RYR1: variants seen among roughly 807,000 people sequenced by gnomAD.
The protein encoded by RYR1 is central core disease of muscle.
RYR1 carries 342 observed loss-of-function variants against 583.5 expected under a neutral mutation model. That is an observed-to-expected ratio of 0.59 (90% CI 0.54 to 0.64). RYR1 has a LOEUF of 0.64. Ranked by LOEUF, RYR1 falls within the 30% of genes least tolerant of loss-of-function variation. The pLI is 0.00. For missense variants in RYR1, 6,032 were observed against 6,917.2 expected, an observed-to-expected ratio of 0.87 and a Z score of 4.54; for synonymous variants, 2,791 against 2,822.5, an observed-to-expected ratio of 0.99 and a Z score of 0.35.
At chr19:38,551,007 A>G (rs1278580935) in intron 89 of RYR1, among the ~76,000 whole-genome samples, 2 of 99,266 alleles carry the variant, frequency 2.0e-5, no homozygotes, top group African/African-American at 7.0e-5. Context: ...ATTCATTTAT[A>G]TCAGTGTGGA....
At chr19:38,517,146 C>T (rs563100496) in intron 65 of RYR1, among the ~76,000 whole-genome samples, 29 of 151,562 alleles carry the variant, frequency 1.9e-4, no homozygotes, top group Admixed American at 6.6e-4. Flanking sequence ...CAGACAGGCT[C>T]GGGGGTGTGA....
At chr19:38,557,754 A>T (rs1972942048) in intron 89 of RYR1, among the ~76,000 whole-genome samples, 1 of 152,046 alleles carries the variant, frequency 6.6e-6, no homozygotes, top group African/African-American at 2.4e-5. Flanking sequence ...CTGTGAGCCA[A>T]GATCGCGTCA....
At chr19:38,477,572 G>A (rs569283453) in intron 29 of RYR1, 138 bp from the exon 30 acceptor site, 54 of 958,246 alleles carry the variant, frequency 5.6e-5, no homozygotes, top group African/African-American at 3.5e-4. Flanking sequence ...ATAACCAGGG[G>A]GTGGGGGACT....
rs952095416 is a variant in RYR1 at position 38,468,840 on chromosome 19, A to G, written c.3382-126A>G. On this transcript the variant is annotated intron_variant, in intron 25 of 105. Transcript: ENST00000359596. ...GACACTGTGGGGTGACCCCTCTTCCATACCACCTGCCCTGAACCTGACACT... is the reference window on the plus strand; with the variant it reads ...GACACTGTGGGGTGACCCCTCTTCCGTACCACCTGCCCTGAACCTGACACT... The G allele has an allele frequency of 1.0e-5, 10 of 990,560 alleles. No individual in the cohort carries two copies. The African/African-American group carries it at 1.4e-4, about 14-fold the overall frequency. 61.4% of individuals were successfully genotyped at this position (990,560 alleles called of 1,614,324 possible). A position where few individuals can be genotyped will look rare whatever the true frequency, so the allele number is the denominator to read the frequency against.
At chr19:38,436,748 G>T (rs534978142) in intron 1 of RYR1, among the ~76,000 whole-genome samples, 87 of 152,140 alleles carry the variant, frequency 5.7e-4, no homozygotes, top group African/African-American at 2.1e-3. Flanking sequence ...AATGTAGATG[G>T]CCCCTGAAGC....
Position 38,517,614 on chromosome 19 carries a change from C to G in RYR1, c.9941C>G (p.Ser3314Cys), listed in dbSNP as rs776382789. 3.7e-6 allele frequency: 6 copies of G among 1,614,214 alleles called. No individual in the cohort carries two copies. The Admixed American group carries it at 1.0e-4, about 27-fold the overall frequency. ...CTAVTSDHLN[S>C]LLGNILRIIV... Reference sequence around the variant, plus strand: ...GCTGTCACCTCTGACCACCTCAACTCCCTGCTGGGGAATATCCTGAGAATC... The same window carrying G: ...GCTGTCACCTCTGACCACCTCAACTGCCTGCTGGGGAATATCCTGAGAATC... The change falls in exon 66 of 106, where the codon TCC (serine) becomes TGC (cysteine). Residue 3314 changes from serine to cysteine, a missense_variant. Around this residue, in one of 11 missense-constraint regions of RYR1, gnomAD observed 1,493 missense variants for 1,715.5 expected, o/e 0.87. Transcript: ENST00000359596.
At chr19:38,443,849 A>AG (rs1404715827) in intron 5 of RYR1, 53 bp downstream of exon 5, 3 of 1,523,748 alleles carry the variant, frequency 2.0e-6, no homozygotes, top group Non-Finnish European at 2.7e-6. Context: ...GCAGGGATTC[A>AG]GGGGGTAGAA....
intron 34 of RYR1, among the ~76,000 whole-genome samples, chr19:38,487,075 G>A (rs1011049941): frequency 9.9e-5 from 15 of 151,744 alleles, no homozygotes; most frequent in South Asian, 4.2e-4. Flanking sequence ...CTTTCCTTCC[G>A]TAGGTCCAAT....
In RYR1 at chr19:38,483,221, C is replaced by A; in HGVS notation, c.4708-69C>A. On this transcript the variant is annotated intron_variant, in intron 32 of 105. Transcript: ENST00000359596. This position sits in a 1 kb window ranked among gnomAD's most constrained non-coding sequence, Gnocchi z 6.3. ...GGGGAGGGGGCAATCCAAGAGGTCT[C>A]CCTGGAAGTGGTGTGGTGGGACAGA... The A allele has an allele frequency of 6.3e-7, 1 of 1,582,474 alleles. No homozygotes were observed.
intron 89 of RYR1, among the ~76,000 whole-genome samples, chr19:38,560,494 C>A (rs1001466208): frequency 1.3e-5 from 2 of 151,878 alleles, no homozygotes; most frequent in African/African-American, 2.4e-5. Flanking sequence ...TTTGGGAGGC[C>A]GAGGCGGGTG....
chr19:38,464,709 A>G lies in RYR1; in HGVS notation c.2857A>G (p.Lys953Glu). Residue 953 changes from lysine to glutamate, a missense_variant, in exon 23 of 106, where the codon AAA becomes GAA. Around this residue, in one of 11 missense-constraint regions of RYR1, gnomAD observed 2,627 missense variants for 2,961.3 expected, o/e 0.89. Coordinates refer to ENST00000359596, the MANE Select transcript of RYR1 (RefSeq NM_000540.3). ...GGCGGAGGACAACCTGAAGAAGACA[A>G]AACTCCCCAAGACGTGAGTGTGGGC... ...EKAEDNLKKT[K>E]LPKTYMMSNG... is the part of the protein sequence containing the mutation. The G allele has an allele frequency of 2.5e-6, 4 of 1,586,344 alleles. No homozygotes were observed. In the South Asian group the frequency reaches 3.5e-5, roughly 14 times the overall value.
At chr19:38,502,809 G>GCA (rs1568506821) in intron 48 of RYR1, 71 bp from the exon 49 acceptor site, 12,502 of 991,320 alleles carry the variant, frequency 0.013, 331 homozygotes, top group Admixed American at 0.029. Flanking sequence ...AGGGGCAGGG[G>GCA]GAGGAGCAGG....
chr19:38,458,785 C>T (rs1297449908), intron 18 of RYR1, among the ~76,000 whole-genome samples: 2 of 152,046 alleles, frequency 1.3e-5, no homozygotes, highest in Admixed American at 6.6e-5. Flanking sequence ...CCACCACGCC[C>T]GGCTCATTTT....
chr19:38,501,831 TA>T (rs1970135331), intron 47 of RYR1, among the ~76,000 whole-genome samples: 1 of 151,864 alleles, frequency 6.6e-6, no homozygotes, highest in Admixed American at 6.6e-5. Flanking sequence ...AAAAAAAATT[TA>T]AATATTAGCT....
Position 38,502,928 on chromosome 19 carries a change from C to T in RYR1, c.7884C>T (p.Phe2628=), listed in dbSNP as rs777187427. 99 of 1,611,484 alleles carry T rather than the reference C, an allele frequency of 6.1e-5. No individual in the cohort carries two copies. Among genetic ancestry groups the T allele is most frequent in the Non-Finnish European group, 6.9e-5 (82 of 1,179,992 alleles). The change falls in exon 49 of 106, where the codon TTC becomes TTT. Residue 2628 remains phenylalanine, a synonymous_variant. Coordinates refer to ENST00000359596, the MANE Select transcript of RYR1 (RefSeq NM_000540.3). The stretch of plus-strand genomic sequence containing the variant: ...AGCACCTGTTGCGCCGCCTGGTGTT[C>T]GACGTGCCCATCCTCAACGAGTTCG... ...MLQHLLRRLV[F]DVPILNEFAK...
intron 37 of RYR1, 107 bp from the exon 38 acceptor site, chr19:38,492,383 T>C (rs1414647823): frequency 2.1e-5 from 22 of 1,065,210 alleles, no homozygotes; most frequent in Non-Finnish European, 2.9e-5. Context: ...AAAAAGGAAA[T>C]GAAAAACTCC....
chr19:38,470,719 G>A (rs946043387), intron 27 of RYR1, among the ~76,000 whole-genome samples: 1 of 151,882 alleles, frequency 6.6e-6, no homozygotes, highest in Non-Finnish European at 1.5e-5. Flanking sequence ...CTCCAGCCTG[G>A]GTGACAGAGC....
Position 38,452,878 on chromosome 19 carries a change from TGCCCA to T in RYR1, c.1305_1309del (p.Pro436ArgfsTer67). On this transcript the variant is annotated frameshift_variant, in exon 13 of 106. Transcript: ENST00000359596. LOFTEE classifies it high-confidence loss of function. ...TCGGGGCCACCCGCTGGCACGGCGC[TGCCCA>T]TCGAGGGCGTTATCCTGAGCCTGCA... The T allele has an allele frequency of 6.2e-7, 1 of 1,611,586 alleles. No homozygotes were observed. Among genetic ancestry groups the T allele is most frequent in the Non-Finnish European group, 8.5e-7 (1 of 1,178,934 alleles).
At chr19:38,551,234 C>CG (rs1040762692) in intron 89 of RYR1, among the ~76,000 whole-genome samples, 3 of 150,840 alleles carry the variant, frequency 2.0e-5, no homozygotes, top group Admixed American at 6.6e-5. Flanking sequence ...TTAGTAGAGA[C>CG]GGGGGTTTCA....
Sources: gnomAD v4.1 joint callset for allele counts (sites outside exome capture counted in the v4.1 genomes callset) on GRCh38, gnomAD v4.1.1 for gene constraint, gnomAD v4.1.1 regional missense constraint, Gnocchi (gnomAD v3.1) non-coding constraint, MANE v1.5 for transcripts, NCBI Gene and HGNC (gene_info 2026-07-23, HGNC 2026-07-21) for gene names.